The following USP32 variants were observed in gnomAD, a reference collection of about 807,000 sequenced individuals.
USP32 encodes ubiquitin specific peptidase 32.
In USP32, 59 loss-of-function variants were observed where a neutral mutation model predicts 204.8. The ratio of observed to expected loss-of-function variants is 0.29; its 90% confidence interval spans 0.23 to 0.36. USP32 has a LOEUF of 0.36. Ranked by LOEUF, USP32 falls within the 10% of genes least tolerant of loss-of-function variation. USP32 has a pLI of 1.00. For missense variants in USP32, 1,160 were observed against 1,946.4 expected, an observed-to-expected ratio of 0.60 and a Z score of 7.60; for synonymous variants, 517 against 678.4, an observed-to-expected ratio of 0.76 and a Z score of 3.70.
Position 60,247,677 on chromosome 17 carries a change from G to T in USP32, c.1136+4704C>A, listed in dbSNP as rs905412285. Among the ~76,000 whole-genome samples the T allele has an allele frequency of 5.4e-4, 79 of 147,350 alleles. 1 individual carries two copies. The highest frequency in any genetic ancestry group is 2.1e-3 in the Admixed American group (31 of 14,714). ...GGGTTTTGCTTGTTTGTTTGTTTTG[G>T]TTTTTTTTTTGTTTGTTTGTTTTTG... is the stretch of plus-strand genomic sequence containing the variant. On this transcript the variant is annotated intron_variant, in intron 11 of 33. Coordinates refer to ENST00000300896, the MANE Select transcript of USP32 (RefSeq NM_032582.4).
At chr17:60,368,657 T>C (rs573348366) in intron 1 of USP32, among the ~76,000 whole-genome samples, 2 of 152,162 alleles carry the variant, frequency 1.3e-5, no homozygotes, top group South Asian at 4.1e-4. Context: ...CATCAAAAAA[T>C]AGTAAACATA....
intron 11 of USP32, 61 bp from the exon 12 acceptor site, chr17:60,236,301 A>G: frequency 7.2e-7 from 1 of 1,385,794 alleles, no homozygotes; most frequent in South Asian, 1.2e-5. Flanking sequence ...GCAACGCACA[A>G]AAATTATCAT....
At chr17:60,232,917 T>C (rs757416066) in intron 12 of USP32, among the ~76,000 whole-genome samples, 2 of 152,198 alleles carry the variant, frequency 1.3e-5, no homozygotes, top group African/African-American at 2.4e-5. Context: ...TAACCTTATA[T>C]AGAGTTTCTA....
chr17:60,396,874 C>G (rs551451804), upstream of USP32, among the ~76,000 whole-genome samples: 125 of 152,234 alleles, frequency 8.2e-4, 2 homozygotes, highest in Non-Finnish European at 6.2e-4. Context: ...TCGCCCTTCT[C>G]TACTCCAACT....
chr17:60,185,740 C>A, intron 29 of USP32, 89 bp from the exon 30 acceptor site: 2 of 1,451,978 alleles, frequency 1.4e-6, no homozygotes, highest in East Asian at 2.3e-5. Flanking sequence ...TGGTCACTCA[C>A]CCTTATTTTA....
At chr17:60,257,920 C>T (rs1309812754) in intron 9 of USP32, 1 of 152,198 alleles carries the variant, frequency 6.6e-6, no homozygotes, top group East Asian at 1.9e-4. Context: ...TTCGTAGCCT[C>T]TATCCTGTAA....
chr17:60,346,795 C>T (rs2088797261), intron 1 of USP32, among the ~76,000 whole-genome samples: 1 of 152,104 alleles, frequency 6.6e-6, no homozygotes, highest in African/African-American at 2.4e-5. Flanking sequence ...CTAAACCAAG[C>T]AAAATGAACA....
At chr17:60,196,248 G>A (rs1485794827) in intron 27 of USP32, among the ~76,000 whole-genome samples, 1 of 143,246 alleles carries the variant, frequency 7.0e-6, no homozygotes, top group East Asian at 2.0e-4. Context: ...CCTGGTGACA[G>A]AGCAAGATTC....
chr17:60,406,672 C>T (rs1397298442), intron 1 of USP32, among the ~76,000 whole-genome samples: 1 of 151,852 alleles, frequency 6.6e-6, no homozygotes, highest in Non-Finnish European at 1.5e-5. Flanking sequence ...CGCGCCACCA[C>T]GCCCAGCTAA....
chr17:60,277,155 T>G (rs529212223), intron 5 of USP32, among the ~76,000 whole-genome samples: 1 of 152,108 alleles, frequency 6.6e-6, no homozygotes, highest in African/African-American at 2.4e-5. Flanking sequence ...CACCCACCTA[T>G]AGGTATAATT....
At chr17:60,379,259 A>C (rs113379045) in intron 1 of USP32, among the ~76,000 whole-genome samples, 1 of 152,208 alleles carries the variant, frequency 6.6e-6, no homozygotes, top group Non-Finnish European at 1.5e-5. Context: ...TAGCACTGGC[A>C]TAAATTGAGG....
Position 60,183,307 on chromosome 17 carries a change from G to C in USP32, c.3981C>G (p.Pro1327=). Residue 1327 remains proline (P), a synonymous_variant, in exon 31 of 34, where the codon CCC becomes CCG. Coordinates refer to ENST00000300896, the MANE Select transcript of USP32 (RefSeq NM_032582.4). ...TGGGCTCAGAGAGCTCATCCCCCTG[G>C]GGTGTGAGTGGTTTATGCTGGCAGA... ...PALCQHKPLT[P]QGDELSEPRI... 2 of 1,613,966 alleles carry C rather than the reference G, an allele frequency of 1.2e-6. No individual in the cohort carries two copies. The highest frequency in any genetic ancestry group is 1.7e-4 in the Middle Eastern group (1 of 6,056).
At chr17:60,221,847 A>G (rs2085259807) in intron 15 of USP32, among the ~76,000 whole-genome samples, 1 of 152,172 alleles carries the variant, frequency 6.6e-6, no homozygotes, top group Admixed American at 6.5e-5. Flanking sequence ...ATTTTACTTC[A>G]TCAACAATGT....
At chr17:60,407,911 A>G (rs1242944937) in intron 1 of USP32, among the ~76,000 whole-genome samples, 1 of 152,014 alleles carries the variant, frequency 6.6e-6, no homozygotes, top group East Asian at 1.9e-4. Flanking sequence ...CAGCCTGGCC[A>G]ACATGGTGAA....
chr17:60,307,742 C>T (rs1410307821), intron 2 of USP32, among the ~76,000 whole-genome samples: 1 of 152,026 alleles, frequency 6.6e-6, no homozygotes, highest in African/African-American at 2.4e-5. Flanking sequence ...TGAGGACAGG[C>T]ACTCCTGCCT....
chr17:60,252,649 C>T (rs1598145742), intron 10 of USP32, among the ~76,000 whole-genome samples: 1 of 152,004 alleles, frequency 6.6e-6, no homozygotes, highest in Non-Finnish European at 1.5e-5. Flanking sequence ...CCAATGGAAG[C>T]TAACTTTCAA....
chr17:60,386,621 T>G (rs2089736715), intron 1 of USP32, among the ~76,000 whole-genome samples: 1 of 152,166 alleles, frequency 6.6e-6, no homozygotes, highest in African/African-American at 2.4e-5. Flanking sequence ...CTTACACATC[T>G]TTCTGGAAGG....
intron 1 of USP32, among the ~76,000 whole-genome samples, chr17:60,400,112 G>C (rs2089925050): frequency 6.6e-6 from 1 of 152,058 alleles, no homozygotes; most frequent in Non-Finnish European, 1.5e-5. Flanking sequence ...TTATAGGCAT[G>C]CGCCACCATG....
intron 25 of USP32, among the ~76,000 whole-genome samples, 162 bp downstream of exon 25, chr17:60,206,859 G>A (rs1048428164): frequency 6.6e-6 from 1 of 152,068 alleles, no homozygotes; most frequent in Non-Finnish European, 1.5e-5. Flanking sequence ...TAAATTTTAG[G>A]TTTCTCGTCG....
Sources: allele counts gnomAD v4.1 joint callset (sites outside exome capture counted in the v4.1 genomes callset), GRCh38; gene constraint gnomAD v4.1.1; transcripts MANE v1.5; gene names NCBI Gene and HGNC (gene_info 2026-07-23, HGNC 2026-07-21).